LRP5: variants seen among roughly 807,000 people sequenced by gnomAD.
LRP5 encodes low-density lipoprotein receptor-related protein 5.
LRP5 carries 62 observed loss-of-function variants against 154.1 expected under a neutral mutation model. The ratio of observed to expected loss-of-function variants is 0.40; its 90% CI spans 0.33 to 0.50. The LOEUF is 0.50. Among genes scored for constraint, LRP5 ranks in the 20% least tolerant of loss-of-function variants. The pLI, the probability that LRP5 is intolerant of heterozygous loss-of-function variation, is 0.55. For missense variants in LRP5, 1,915 were observed against 2,336.7 expected (o/e 0.82, Z 3.72); for synonymous variants, 966 against 1,011.5 (o/e 0.96, Z 0.85).
In LRP5 at chr11:68,426,423, C is replaced by CTTT. The variant is rs58093101; in HGVS notation, c.3637+253_3637+255dup. Among the ~76,000 whole-genome samples the CTTT allele has an allele frequency of 1.8e-3, 237 of 130,386 alleles. 4 individuals are homozygous for CTTT. Among genetic ancestry groups the CTTT allele is most frequent in the East Asian group, 0.012 (55 of 4,494 alleles). 85.5% of individuals were successfully genotyped at this position (130,386 alleles called of 152,430 possible). ...ACAGCGTTTTAAGACAACACCAACT[C>CTTT]TTTTTTTTTTTTTTTTTTTGAGTCA... is the stretch of plus-strand genomic sequence containing the variant. On this transcript the variant is annotated intron_variant, in intron 16 of 22. Coordinates refer to ENST00000294304, the MANE Select transcript of LRP5 (RefSeq NM_002335.4).
chr11:68,442,824 TA>T (rs1489786410), intron 21 of LRP5, among the ~76,000 whole-genome samples: 2 of 152,210 alleles, frequency 1.3e-5, no homozygotes, highest in African/African-American at 4.8e-5. Context: ...GTTCGGTTGG[TA>T]GGCAGTGGGG....
At chr11:68,356,968 C>G (rs2098623651) in intron 2 of LRP5, among the ~76,000 whole-genome samples, 1 of 149,882 alleles carries the variant, frequency 6.7e-6, no homozygotes. Flanking sequence ...TGGAGTCTCG[C>G]TCTGTCGCCC....
intron 5 of LRP5, among the ~76,000 whole-genome samples, chr11:68,375,681 T>C (rs187090302): frequency 6.6e-6 from 1 of 152,220 alleles, no homozygotes; most frequent in Non-Finnish European, 1.5e-5. Flanking sequence ...CGGTAACACC[T>C]TCAAGAGGGT....
Position 68,386,445 on chromosome 11 carries a change from C to T in LRP5, c.1145C>T (p.Pro382Leu), listed in dbSNP as rs397514664. The change falls in exon 6 of 23, where the codon CCG (proline) becomes CTG (leucine). Residue 382 changes from proline (P) to leucine (L), a missense_variant. By Grantham distance (98) the Pro-to-Leu change is moderately conservative (BLOSUM62 -3). Coordinates refer to ENST00000294304, the MANE Select transcript of LRP5 (RefSeq NM_002335.4). This position sits in a 1 kb window ranked among gnomAD's most constrained non-coding sequence, Gnocchi z 7.9. ...IRHAIAIDYDPLEGYVYWTDD... is the reference protein window; with the variant it reads ...IRHAIAIDYDLLEGYVYWTDD... ...CACGCCATTGCCATCGACTACGACC[C>T]GCTAGAGGGCTATGTCTACTGGACA... The T allele has an allele frequency of 7.4e-6, 12 of 1,614,122 alleles. No homozygotes were observed. The East Asian group carries it at 1.6e-4, about 21-fold the overall frequency.
At chr11:68,320,045 C>T (rs1268782252) in intron 1 of LRP5, among the ~76,000 whole-genome samples, 1 of 152,114 alleles carries the variant, frequency 6.6e-6, no homozygotes, top group Non-Finnish European at 1.5e-5. Context: ...CCTGTAGTCT[C>T]AGCTACTTGA....
chr11:68,428,514 C>A (rs1308223539), intron 16 of LRP5, among the ~76,000 whole-genome samples: 1 of 152,054 alleles, frequency 6.6e-6, no homozygotes, highest in African/African-American at 2.4e-5. Flanking sequence ...GCGTTCCACA[C>A]TTGTGGATGC....
upstream of LRP5, among the ~76,000 whole-genome samples, chr11:68,310,881 G>A (rs1051354511): frequency 2.8e-4 from 42 of 152,206 alleles, no homozygotes; most frequent in Non-Finnish European, 4.3e-4. Flanking sequence ...GGTGAGATGT[G>A]GGAAGGGAGT....
rs577291930 is a variant in LRP5 at position 68,429,087 on chromosome 11, A to T, written c.3638-488A>T. Among the ~76,000 whole-genome samples the T allele has an allele frequency of 2.4e-4, 35 of 147,242 alleles. No individual in the cohort carries two copies. The South Asian group carries it at 7.6e-3, about 32-fold the overall frequency. On this transcript the variant is annotated intron_variant, in intron 16 of 22. Coordinates refer to ENST00000294304, the MANE Select transcript of LRP5 (RefSeq NM_002335.4). Reference sequence around the variant, plus strand: ...GCTCCAGCCTGGGCGATAGAGCAAGACTCTGTCTCAAAAAAAAAAGCCAGG... The same window carrying T: ...GCTCCAGCCTGGGCGATAGAGCAAGTCTCTGTCTCAAAAAAAAAAGCCAGG...
Position 68,449,040 on chromosome 11 carries a change from C to T in LRP5, c.4818C>T (p.Pro1606=), listed in dbSNP as rs2098683007. ...TERSYFHLFP[P]PPSPCTDSS is the part of the protein sequence containing the mutation. The stretch of plus-strand genomic sequence containing the variant: ...GGAGCTACTTCCATCTCTTCCCGCC[C>T]CCTCCGTCCCCCTGCACGGACTCAT... Residue 1606 remains proline (P), a synonymous_variant, in exon 23 of 23, where the codon CCC becomes CCT. Transcript: ENST00000294304. 6.3e-7 allele frequency: 1 copy of T among 1,578,798 alleles called. No individual in the cohort carries two copies. Among genetic ancestry groups the T allele is most frequent in the Middle Eastern group, 1.7e-4 (1 of 5,944 alleles).
chr11:68,299,090 A>G, the LRP5 span, among the ~76,000 whole-genome samples: 1 of 151,866 alleles, frequency 6.6e-6, no homozygotes, highest in African/African-American at 2.4e-5. Flanking sequence ...CACTCCACCA[A>G]CCAGCTGCCC....
intron 8 of LRP5, chr11:68,403,922 A>G (rs2098654104): frequency 8.3e-6 from 5 of 606,014 alleles, no homozygotes; most frequent in Non-Finnish European, 1.5e-5. Context: ...AATGGTTAGA[A>G]AGTGACTAAC....
chr11:68,321,513 G>A (rs955764554), intron 1 of LRP5, among the ~76,000 whole-genome samples: 2 of 152,080 alleles, frequency 1.3e-5, no homozygotes, highest in African/African-American at 2.4e-5. Context: ...GGCGGTCTCA[G>A]GCTGTGGAAG....
rs757418771 is a variant in LRP5 at position 68,390,004 on chromosome 11, G to C, written c.1536G>C (p.Leu512=). 3.1e-6 allele frequency: 5 copies of C among 1,614,116 alleles called. No individual in the cohort carries two copies. The African/African-American group carries it at 6.7e-5, about 22-fold the overall frequency. ...GGCCCAACGGCCTGGCCCTGGACCTGCAGGAGGGGAAGCTCTACTGGGGAG... is the reference window on the plus strand; with the variant it reads ...GGCCCAACGGCCTGGCCCTGGACCTCCAGGAGGGGAAGCTCTACTGGGGAG... The part of the protein sequence containing the change: ...LGWPNGLALD[L]QEGKLYWGDA... The change falls in exon 7 of 23, where the codon CTG becomes CTC. Residue 512 remains leucine (L), a synonymous_variant. Coordinates refer to ENST00000294304, the MANE Select transcript of LRP5 (RefSeq NM_002335.4).
At chr11:68,411,327 C>A in intron 10 of LRP5, 109 bp from the exon 11 acceptor site, 2 of 1,217,194 alleles carry the variant, frequency 1.6e-6, no homozygotes, top group Non-Finnish European at 2.3e-6. Context: ...TTCTCCAGGA[C>A]GGGGAGGGCT....
Position 68,357,652 on chromosome 11 carries a change from A to G in LRP5, c.491A>G (p.Tyr164Cys), listed in dbSNP as rs778000208. The change falls in exon 3 of 23, where the codon TAC becomes TGC. Residue 164 changes from tyrosine to cysteine, a missense_variant and splice_region_variant. Tyr to Cys is a radical substitution (Grantham distance 194). This residue lies in a region of LRP5 where 773 missense variants were observed against 1,100.9 expected (regional missense o/e 0.70). Transcript: ENST00000294304. ...CTCTTGCCCTGCCCCCGTCACAGGT[A>G]CATGTACTGGACAGACTGGGGTGAG... ...RAIALDPAHG[Y>C]MYWTDWGETP... The G allele has an allele frequency of 2.5e-6, 4 of 1,613,932 alleles. No individual in the cohort carries two copies. The highest frequency in any genetic ancestry group is 3.3e-5 in the Admixed American group (2 of 59,988).
At chr11:68,404,004 A>G (rs1394749309) in intron 8 of LRP5, 4 of 500,330 alleles carry the variant, frequency 8.0e-6, no homozygotes, top group Non-Finnish European at 1.5e-5. Context: ...CCGTCTGCAA[A>G]TGTAGTTCCT....
the LRP5 span, among the ~76,000 whole-genome samples, chr11:68,299,627 G>T: frequency 6.8e-6 from 1 of 148,034 alleles, no homozygotes; most frequent in African/African-American, 2.5e-5. Context: ...TTGTTGCCCA[G>T]GCTGGAGTAC....
the LRP5 span, among the ~76,000 whole-genome samples, chr11:68,300,765 A>G: frequency 1.1e-4 from 16 of 149,540 alleles, no homozygotes; most frequent in Admixed American, 1.1e-3. Flanking sequence ...CAGTCCAGAA[A>G]GTTCTACATG....
chr11:68,375,515 C>T (rs1209864117), intron 5 of LRP5, among the ~76,000 whole-genome samples: 11 of 152,230 alleles, frequency 7.2e-5, no homozygotes, highest in African/African-American at 2.7e-4. Context: ...CACAGCGCCC[C>T]TCCATCCAGA....
Sources: allele counts gnomAD v4.1 joint callset (sites outside exome capture counted in the v4.1 genomes callset), GRCh38; gene constraint gnomAD v4.1.1; regional missense constraint gnomAD v4.1.1; non-coding constraint Gnocchi (gnomAD v3.1); transcripts MANE v1.5; gene names NCBI Gene and HGNC (gene_info 2026-07-23, HGNC 2026-07-21).